The following STRN3 variants were observed in gnomAD, a reference collection of about 807,000 sequenced individuals.
STRN3 encodes the protein striatin-3.
STRN3 carries 29 observed loss-of-function variants against 95.6 expected under a neutral mutation model. The observed-to-expected ratio is 0.30, with a 90% CI of 0.23 to 0.41. The LOEUF is 0.41. STRN3 is among the 10% of genes least tolerant of loss of function. The probability of loss-of-function intolerance (pLI) is 1.00; values close to 1 mark genes in which losing one functional copy is unlikely to be tolerated. For missense variants in STRN3, 890 were observed against 972.1 expected, an observed-to-expected ratio of 0.92 and a Z score of 1.12; for synonymous variants, 331 against 357.6, an observed-to-expected ratio of 0.93 and a Z score of 0.84.
chr14:30,902,132 T>C (rs58307523), intron 16 of STRN3, among the ~76,000 whole-genome samples: 21,105 of 128,630 alleles, frequency 0.16, 1,770 homozygotes, highest in South Asian at 0.34. Context: ...GATTGCACCA[T>C]TGCACACCAG....
intron 5 of STRN3, among the ~76,000 whole-genome samples, chr14:30,939,519 G>A (rs1211196236): frequency 6.6e-6 from 1 of 152,140 alleles, no homozygotes; most frequent in East Asian, 1.9e-4. Context: ...GAGCTCTACT[G>A]AAGTTAGCTA....
intron 1 of STRN3, among the ~76,000 whole-genome samples, chr14:30,962,880 C>G (rs540644400): frequency 7.2e-5 from 11 of 151,988 alleles, no homozygotes; most frequent in Admixed American, 6.6e-4. Flanking sequence ...TACACAAATA[C>G]TTACCATTGT....
rs554035311 is a variant in STRN3, at chr14:30,919,050, G to A, written c.1156C>T (p.Pro386Ser). 1 of 1,611,768 alleles carries A rather than the reference G, an allele frequency of 6.2e-7. No individual in the cohort carries two copies. Among genetic ancestry groups the A allele is most frequent in the South Asian group, 1.1e-5 (1 of 90,830 alleles). ...TTAATGATTCCTGAAGGGATGTGGG[G>A]CAGCTCATCATCTCCCAGATCAGCT... ...MIADLGDDEL[P>S]HIPSGIINQS... Residue 386 changes from proline to serine, a missense_variant, in exon 9 of 18, where the codon CCC (proline) becomes TCC (serine). By Grantham distance (74) the Pro-to-Ser change is moderately conservative. Around this residue, in one of 3 missense-constraint regions of STRN3, gnomAD observed 526 missense variants for 526.3 expected, o/e 1.00. Coordinates refer to ENST00000357479, the MANE Select transcript of STRN3 (RefSeq NM_001083893.2).
rs1383861413 is a variant in STRN3, at chr14:30,895,679, A to T, written c.2207T>A (p.Ile736Asn). ...AGACTTACTTCCAGACATCAAATAGATTCCATTAGGATCTACTGCTAGACT... is the reference window on the plus strand; with the variant it reads ...AGACTTACTTCCAGACATCAAATAGTTTCCATTAGGATCTACTGCTAGACT... ...VTSLAVDPNG[I>N]YLMSGSHDCS... The change falls in exon 17 of 18, where the codon ATC (isoleucine) becomes AAC (asparagine). Residue 736 changes from isoleucine to asparagine, a missense_variant. By Grantham distance (149) the Ile-to-Asn change is moderately radical (BLOSUM62 -3). Transcript: ENST00000357479. The T allele has an allele frequency of 6.2e-7, 1 of 1,613,830 alleles. No homozygotes were observed. The highest frequency in any genetic ancestry group is 8.5e-7 in the Non-Finnish European group (1 of 1,179,932).
chr14:30,996,448 C>G (rs1400479001), intron 1 of STRN3, among the ~76,000 whole-genome samples: 1 of 152,160 alleles, frequency 6.6e-6, no homozygotes. Flanking sequence ...TTGGGCTTTG[C>G]ATCATTTCAT....
rs1482769436 is a variant in STRN3, at chr14:30,895,080, GAA to G, written c.*329_*330del. ...AAAAAAAAAAAAAAAAAAAAAAAAA[GAA>G]GAAGAAGAAGAGAAAAAAAAAAACT... On this transcript the variant is annotated 3_prime_UTR_variant, in exon 18 of 18. Coordinates refer to ENST00000357479, the MANE Select transcript of STRN3 (RefSeq NM_001083893.2). The G allele has an allele frequency of 1.0e-3, 75 of 71,864 alleles. No homozygotes were observed. The South Asian group carries it at 0.031, about 29-fold the overall frequency. The allele number at this position is 71,864 out of a possible 1,614,324, so 4.5% of individuals were successfully genotyped here. A position where few individuals can be genotyped will look rare whatever the true frequency, so the allele number is the denominator to read the frequency against.
chr14:30,929,369 G>C, intron 7 of STRN3, 58 bp from the exon 8 acceptor site: 1 of 1,302,160 alleles, frequency 7.7e-7, no homozygotes, highest in Non-Finnish European at 1.1e-6. Context: ...GCAAGCTGTT[G>C]GCAGTAAACT....
intron 1 of STRN3, among the ~76,000 whole-genome samples, chr14:31,006,462 G>A (rs1272350890): frequency 9.2e-5 from 14 of 152,100 alleles, no homozygotes; most frequent in Non-Finnish European, 1.3e-4. Context: ...TTGGGAGGCC[G>A]GGGCAGGTGG....
chr14:30,950,721 C>T (rs558831763), intron 4 of STRN3, 142 bp downstream of exon 4: 4 of 680,916 alleles, frequency 5.9e-6, no homozygotes, highest in Middle Eastern at 6.3e-4. Context: ...TAAAAAGATC[C>T]AAGCATCTAC....
chr14:31,024,751 T>C (rs1185483884), intron 1 of STRN3, among the ~76,000 whole-genome samples: 1 of 152,166 alleles, frequency 6.6e-6, no homozygotes, highest in Admixed American at 6.5e-5. Flanking sequence ...ATATGACATA[T>C]ATGACAGCAA....
intron 1 of STRN3, among the ~76,000 whole-genome samples, chr14:30,963,688 G>A (rs1187375206): frequency 1.3e-5 from 2 of 152,148 alleles, no homozygotes; most frequent in African/African-American, 2.4e-5. Flanking sequence ...GGGATTACAG[G>A]CATGAGCCAC....
chr14:30,979,625 A>G (rs1025830777), intron 1 of STRN3, among the ~76,000 whole-genome samples: 2 of 152,092 alleles, frequency 1.3e-5, no homozygotes, highest in Non-Finnish European at 2.9e-5. Context: ...TTTGAGATAG[A>G]GTCTCGCTCT....
intron 5 of STRN3, among the ~76,000 whole-genome samples, chr14:30,936,836 C>G (rs1878845107): frequency 6.6e-6 from 1 of 152,170 alleles, no homozygotes; most frequent in Non-Finnish European, 1.5e-5. Context: ...CTCCAAAGTT[C>G]ATTGTCCAAA....
chr14:31,013,373 CA>C (rs909340781), intron 1 of STRN3, among the ~76,000 whole-genome samples: 73 of 134,302 alleles, frequency 5.4e-4, no homozygotes, highest in Non-Finnish European at 1.0e-3. Context: ...ACCCCCATCT[CA>C]AAAAAAAAAC....
rs550260309 is a variant in STRN3 at position 30,895,941 on chromosome 14, T to C, written c.2138-193A>G. Among the ~76,000 whole-genome samples the C allele has an allele frequency of 9.2e-5, 14 of 152,332 alleles. No individual in the cohort carries two copies. In the East Asian group the frequency reaches 9.6e-4, roughly 10 times the overall value. ...CCTGTGTCTTTTAGAACATTCACAATGTTACACAACCATCACCATTCTCTA... is the reference window on the plus strand; with the variant it reads ...CCTGTGTCTTTTAGAACATTCACAACGTTACACAACCATCACCATTCTCTA... On this transcript the variant is annotated intron_variant, in intron 16 of 17. Transcript: ENST00000357479.
At chr14:30,929,953 G>GCAAAAAAAAAAACAAA (rs1231468632) in intron 7 of STRN3, among the ~76,000 whole-genome samples, 1 of 7,858 alleles carries the variant, frequency 1.3e-4, no homozygotes, top group Admixed American at 1.5e-3. Flanking sequence ...ACTAAGATTA[G>GCAAAAAAAAAAACAAA]CAAAAAAAAA....
chr14:30,993,861 G>A (rs1204630532), intron 1 of STRN3, among the ~76,000 whole-genome samples: 1 of 149,558 alleles, frequency 6.7e-6, no homozygotes, highest in African/African-American at 2.5e-5. Flanking sequence ...TGTGTTTTTA[G>A]TAGAGATGGG....
intron 1 of STRN3, among the ~76,000 whole-genome samples, chr14:30,993,829 G>A (rs367653169): frequency 1.2e-4 from 18 of 150,966 alleles, no homozygotes; most frequent in African/African-American, 3.7e-4. Flanking sequence ...ACAGGCACCC[G>A]CCACCACACC....
intron 13 of STRN3, 117 bp downstream of exon 13, chr14:30,910,924 G>A (rs1423827667): frequency 7.1e-6 from 8 of 1,129,278 alleles, no homozygotes; most frequent in Non-Finnish European, 8.5e-6. Flanking sequence ...TTAGCAAATG[G>A]AAGAACTAAA....
Sources: allele counts gnomAD v4.1 joint callset (sites outside exome capture counted in the v4.1 genomes callset), GRCh38; gene constraint gnomAD v4.1.1; regional missense constraint gnomAD v4.1.1; transcripts MANE v1.5; gene names NCBI Gene and HGNC (gene_info 2026-07-23, HGNC 2026-07-21).